FHIP1A: variants seen among roughly 807,000 people sequenced by gnomAD.
The protein encoded by FHIP1A is FHF complex subunit HOOK interacting protein 1A.
FHIP1A carries 61 observed loss-of-function variants against 88.6 expected under a neutral mutation model. The ratio of observed to expected loss-of-function variants is 0.69; its 90% CI spans 0.56 to 0.85. FHIP1A has a LOEUF of 0.85. Among genes scored for constraint, FHIP1A ranks in the 40% least tolerant of loss-of-function variants. The pLI is 0.00. For missense variants in FHIP1A, 1,154 were observed against 1,273.5 expected, an observed-to-expected ratio of 0.91 and a Z score of 1.43; for synonymous variants, 478 against 496.0, an observed-to-expected ratio of 0.96 and a Z score of 0.48.
chr4:151,437,283 C>T (rs1426447371), intron 1 of FHIP1A, among the ~76,000 whole-genome samples: 2 of 151,752 alleles, frequency 1.3e-5, no homozygotes, highest in African/African-American at 2.4e-5. Flanking sequence ...TTTTGAAATC[C>T]GCTGGGGGTT....
At chr4:151,499,074 C>T (rs1185033179) in intron 3 of FHIP1A, among the ~76,000 whole-genome samples, 1 of 152,144 alleles carries the variant, frequency 6.6e-6, no homozygotes, top group African/African-American at 2.4e-5. Flanking sequence ...TTGAAGAGAA[C>T]AAGAGAGCAC....
intron 3 of FHIP1A, among the ~76,000 whole-genome samples, chr4:151,557,982 A>G (rs971928839): frequency 6.6e-6 from 1 of 152,194 alleles, no homozygotes; most frequent in South Asian, 2.1e-4. Context: ...TTGAGAATGT[A>G]TTCTTTGTTG....
chr4:151,507,518 G>A (rs1416732704), intron 3 of FHIP1A, among the ~76,000 whole-genome samples: 4 of 152,150 alleles, frequency 2.6e-5, no homozygotes, highest in East Asian at 1.9e-4. Flanking sequence ...TTTAATATGT[G>A]TATTTATTAG....
chr4:151,441,725 C>T (rs1282017651), intron 1 of FHIP1A, among the ~76,000 whole-genome samples: 4 of 152,108 alleles, frequency 2.6e-5, no homozygotes, highest in African/African-American at 4.8e-5. Context: ...TGTAAAAACA[C>T]CCTCCTTCCA....
chr4:151,453,574 A>C (rs1728869616), intron 1 of FHIP1A, among the ~76,000 whole-genome samples: 1 of 152,212 alleles, frequency 6.6e-6, no homozygotes, highest in Non-Finnish European at 1.5e-5. Flanking sequence ...AACAGGCATG[A>C]GATATTATAA....
At chr4:151,573,771 C>T (rs1733684708) in intron 4 of FHIP1A, among the ~76,000 whole-genome samples, 2 of 151,824 alleles carry the variant, frequency 1.3e-5, no homozygotes, top group South Asian at 2.1e-4. Flanking sequence ...GTGGAACTCT[C>T]AGCAAGCAGA....
At chr4:151,422,291 G>T (rs1352477517) in intron 1 of FHIP1A, among the ~76,000 whole-genome samples, 2 of 151,276 alleles carry the variant, frequency 1.3e-5, no homozygotes, top group Admixed American at 6.6e-5. Context: ...GATAATCTTG[G>T]CTATATATCC....
intron 1 of FHIP1A, among the ~76,000 whole-genome samples, chr4:151,421,824 C>T (rs1013266823): frequency 2.0e-5 from 3 of 152,050 alleles, no homozygotes; most frequent in African/African-American, 4.8e-5. Context: ...GTAATAGCCA[C>T]ACCAATAACA....
intron 3 of FHIP1A, among the ~76,000 whole-genome samples, chr4:151,498,170 A>G (rs1035750041): frequency 3.9e-5 from 6 of 152,208 alleles, no homozygotes; most frequent in Non-Finnish European, 8.8e-5. Context: ...CAGTAGTCCT[A>G]AATAAAATCT....
intron 1 of FHIP1A, among the ~76,000 whole-genome samples, chr4:151,413,604 A>G (rs1732764530): frequency 6.6e-6 from 1 of 151,782 alleles, no homozygotes; most frequent in African/African-American, 2.4e-5. Flanking sequence ...ATAGGCATGC[A>G]CCAACATGCT....
chr4:151,650,460 G>A lies in FHIP1A; in HGVS notation c.2419G>A (p.Glu807Lys). The A allele has an allele frequency of 6.4e-7, 1 of 1,551,672 alleles. No homozygotes were observed. The highest frequency in any genetic ancestry group is 8.7e-7 in the Non-Finnish European group (1 of 1,146,998). The change falls in exon 11 of 14, where the codon GAG becomes AAG. Residue 807 changes from glutamate (E) to lysine (K), a missense_variant. Glu to Lys is a moderately conservative substitution (Grantham distance 56). Transcript: ENST00000435205. ...EKEGKKELED[E>K]EDDFDSFIAE... ...GGAGGGGAAGAAGGAGCTAGAAGAT[G>A]AGGAGGATGACTTTGACTCTTTTAT... is the stretch of plus-strand genomic sequence containing the variant.
chr4:151,662,340 G>C (rs1035156472), intron 13 of FHIP1A, among the ~76,000 whole-genome samples, 161 bp from the exon 14 acceptor site: 35 of 152,176 alleles, frequency 2.3e-4, no homozygotes, highest in African/African-American at 8.4e-4. Context: ...GTGTGTCATG[G>C]AGTGCACAAG....
intron 10 of FHIP1A, among the ~76,000 whole-genome samples, chr4:151,648,367 T>C (rs1290172228): frequency 6.6e-6 from 1 of 152,188 alleles, no homozygotes; most frequent in Non-Finnish European, 1.5e-5. Context: ...TTTGATGTCT[T>C]TTTACATAAC....
At chr4:151,482,171 A>G (rs924822526) in intron 2 of FHIP1A, among the ~76,000 whole-genome samples, 1 of 152,120 alleles carries the variant, frequency 6.6e-6, no homozygotes, top group African/African-American at 2.4e-5. Flanking sequence ...ATATTATGCT[A>G]TCATTATTAT....
At chr4:151,633,788 T>C (rs1033758475) in intron 8 of FHIP1A, among the ~76,000 whole-genome samples, 4 of 151,782 alleles carry the variant, frequency 2.6e-5, no homozygotes, top group African/African-American at 9.7e-5. Context: ...AAACTAGAAA[T>C]ATAAAGAAAC....
rs933064762 is a variant in FHIP1A at position 151,663,906 on chromosome 4, A to G, written c.*1152A>G. Among the ~76,000 whole-genome samples, 2 of 152,192 alleles carry G rather than the reference A, an allele frequency of 1.3e-5. No individual in the cohort carries two copies. The highest frequency in any genetic ancestry group is 4.1e-4 in the South Asian group (2 of 4,822). On this transcript the variant is annotated 3_prime_UTR_variant, in exon 14 of 14. Coordinates refer to ENST00000435205, the MANE Select transcript of FHIP1A (RefSeq NM_001109977.3). ...TGCCTTCCGAGTAATGGGGTTCATT[A>G]GAAGGCCCCAACGTGCTGTATGAGC...
chr4:151,516,877 T>TCCACAATG (rs1731259497), intron 3 of FHIP1A, among the ~76,000 whole-genome samples: 9 of 151,914 alleles, frequency 5.9e-5, no homozygotes, highest in Admixed American at 5.9e-4. Flanking sequence ...GTTCAACCAT[T>TCCACAATG]GTGGAAGTCA....
chr4:151,556,312 T>G (rs774666990), intron 3 of FHIP1A, among the ~76,000 whole-genome samples: 2 of 152,142 alleles, frequency 1.3e-5, no homozygotes, highest in Non-Finnish European at 2.9e-5. Flanking sequence ...TTGTTTGGTT[T>G]CTATTCTATC....
Position 151,646,457 on chromosome 4 carries a change from T to A in FHIP1A, c.1227-101T>A, listed in dbSNP as rs183171228. 1.3e-3 allele frequency: 956 copies of A among 726,860 alleles called. 7 individuals are homozygous for A. In the African/African-American group the frequency reaches 0.015, roughly 11 times the overall value. The allele number at this position is 726,860 out of a possible 1,614,324, so 45.0% of individuals were successfully genotyped here. On this transcript the variant is annotated intron_variant, in intron 9 of 13. Transcript: ENST00000435205. Reference sequence around the variant, plus strand: ...CAATTGAGAGCTGAGAGAGGATGAGTCTGCCCCTGGCCACAAGGAGTCCCT... The same window carrying A: ...CAATTGAGAGCTGAGAGAGGATGAGACTGCCCCTGGCCACAAGGAGTCCCT...
Sources: gnomAD v4.1 joint callset for allele counts (sites outside exome capture counted in the v4.1 genomes callset) on GRCh38, gnomAD v4.1.1 for gene constraint, MANE v1.5 for transcripts, NCBI Gene and HGNC (gene_info 2026-07-23, HGNC 2026-07-21) for gene names.